KIR2DL1: variants seen among roughly 807,000 people sequenced by gnomAD.
KIR2DL1 encodes the protein killer cell immunoglobulin-like receptor 2DL1.
Under a neutral mutation model 33.9 loss-of-function variants are expected in KIR2DL1, and 38 were observed. The ratio of observed to expected loss-of-function variants is 1.12; its 90% CI spans 0.86 to 1.47. The LOEUF is 1.47. Among genes scored for constraint, KIR2DL1 ranks in the 40% most tolerant of loss-of-function variants. The pLI, the probability that KIR2DL1 is intolerant of heterozygous loss-of-function variation, is 0.00. For synonymous variants in KIR2DL1, 179 were observed against 165.9 expected, an observed-to-expected ratio of 1.08 and a Z score of -0.61; for missense variants, 531 against 433.9, an observed-to-expected ratio of 1.22 and a Z score of -1.99.
In KIR2DL1 at chr19:54,783,537, A is replaced by G; in HGVS notation, c.869A>G (p.Glu290Gly). ...ESAGNRTANS[E>G]DSDEQDPQEV... ...GCAGGAAACAGAACAGCGAATAGCGAGGTAGGTACTCCTCGGCCCGGGCTC... is the reference window on the plus strand; with the variant it reads ...GCAGGAAACAGAACAGCGAATAGCGGGGTAGGTACTCCTCGGCCCGGGCTC... Residue 290 changes from glutamate to glycine, a missense_variant and splice_region_variant, in exon 7 of 8, where the codon GAG (glutamate) becomes GGG (glycine). Transcript: ENST00000336077. 1.9e-6 allele frequency: 3 copies of G among 1,613,808 alleles called. No individual in the cohort carries two copies. Among genetic ancestry groups the G allele is most frequent in the South Asian group, 2.2e-5 (2 of 91,064 alleles).
At chr19:54,777,496 A>C (rs1367498413) in intron 4 of KIR2DL1, among the ~76,000 whole-genome samples, 1 of 149,700 alleles carries the variant, frequency 6.7e-6, no homozygotes, top group Non-Finnish European at 1.5e-5. Context: ...GGGAAATTTC[A>C]TGTCTTTTGC....
rs752229332 is a variant in KIR2DL1 at position 54,782,903 on chromosome 19, G to T, written c.716-19G>T. The T allele has an allele frequency of 6.2e-7, 1 of 1,607,268 alleles. No individual in the cohort carries two copies. Among genetic ancestry groups the T allele is most frequent in the African/African-American group, 1.3e-5 (1 of 74,748 alleles). On this transcript the variant is annotated intron_variant, in intron 5 of 7. Transcript: ENST00000336077. The stretch of plus-strand genomic sequence containing the variant: ...AACTGCTAAGATTAGCTTCTTATTG[G>T]TGTCTCATCTTCTTCCAGGTAACCC...
At chr19:54,782,253 G>A (rs1322352400) in intron 5 of KIR2DL1, among the ~76,000 whole-genome samples, 3 of 151,932 alleles carry the variant, frequency 2.0e-5, no homozygotes, top group South Asian at 2.1e-4. Flanking sequence ...AGGGTGTTCT[G>A]AGACGTTCCT....
chr19:54,773,640 T>G lies in KIR2DL1; in HGVS notation c.370+8T>G. ...TGGACATCGTGATCATAGGTGAGAG[T>G]GTCCAGACTTTCTTCTCATTGTCAT... On this transcript the variant is annotated splice_region_variant and intron_variant, in intron 3 of 7. Transcript: ENST00000336077. 1 of 1,562,446 alleles carries G rather than the reference T, an allele frequency of 6.4e-7. No homozygotes were observed. Among genetic ancestry groups the G allele is most frequent in the Non-Finnish European group, 8.8e-7 (1 of 1,140,710 alleles).
intron 5 of KIR2DL1, among the ~76,000 whole-genome samples, chr19:54,780,491 C>G (rs4020736): frequency 0.24 from 32,540 of 135,042 alleles, 213 homozygotes; most frequent in Middle Eastern, 0.29. Flanking sequence ...AACTAAGGAG[C>G]AACAAGGAGT....
rs924802089 is a variant in KIR2DL1 at position 54,780,107 on chromosome 19, T to C, written c.715+1445T>C. 20 of 523,768 alleles carry C rather than the reference T, an allele frequency of 3.8e-5. 2 individuals are homozygous for C. The African/African-American group carries it at 4.9e-4, about 13-fold the overall frequency. The allele number at this position is 523,768 out of a possible 1,614,324, so 32.4% of individuals were successfully genotyped here. ...TTTGTAGAGAGGATGTTTCACCACG[T>C]TGGCCAAGCTTGTCTGAAACTCCCA... On this transcript the variant is annotated intron_variant, in intron 5 of 7. Coordinates refer to ENST00000336077, the MANE Select transcript of KIR2DL1 (RefSeq NM_014218.3).
rs1469120418 is a variant in KIR2DL1, at chr19:54,780,167, G to A, written c.715+1505G>A. 3.1e-4 allele frequency: 156 copies of A among 510,304 alleles called. 10 individuals carry two copies. The South Asian group carries it at 3.4e-3, about 11-fold the overall frequency. 31.6% of individuals were successfully genotyped at this position (510,304 alleles called of 1,614,324 possible). ...GATCCGACCGTCTCAGCATGCCAAA[G>A]TAATGGGACTACAGGCGTGAGCCAC... On this transcript the variant is annotated intron_variant, in intron 5 of 7. Coordinates refer to ENST00000336077, the MANE Select transcript of KIR2DL1 (RefSeq NM_014218.3).
At position 54,775,690 on chromosome 19, in the gene KIR2DL1, G is replaced by A. The variant is rs1270250747; in HGVS notation, c.664+232G>A. Among the ~76,000 whole-genome samples the A allele has an allele frequency of 6.1e-5, 9 of 148,726 alleles. No homozygotes were observed. In the East Asian group the frequency reaches 1.8e-3, roughly 29 times the overall value. On this transcript the variant is annotated intron_variant, in intron 4 of 7. Transcript: ENST00000336077. ...GGCACCCAGGCAGATGGAGAAAGCG[G>A]TCAGGAGAGACCCAGAGGAGGGAGA...
chr19:54,777,486 G>A (rs1400850103), intron 4 of KIR2DL1, among the ~76,000 whole-genome samples: 5 of 149,364 alleles, frequency 3.3e-5, no homozygotes, highest in African/African-American at 9.8e-5. Flanking sequence ...TTCGTATGTG[G>A]GGAAATTTCA....
chr19:54,770,380 G>A (rs2075544459), intron 1 of KIR2DL1, among the ~76,000 whole-genome samples: 1 of 144,604 alleles, frequency 6.9e-6, no homozygotes, highest in Admixed American at 7.0e-5. Flanking sequence ...GTCGATATCT[G>A]GGCCTGGAGA....
At chr19:54,782,836 GT>G (rs2077166076) in intron 5 of KIR2DL1, 85 bp from the exon 6 acceptor site, 3 of 1,461,840 alleles carry the variant, frequency 2.1e-6, no homozygotes, top group Non-Finnish European at 2.9e-6. Flanking sequence ...GTTTTATGTG[GT>G]TACCTGTCAA....
Position 54,778,673 on chromosome 19 carries a change from A to T in KIR2DL1, c.715+11A>T. The T allele has an allele frequency of 9.2e-6, 14 of 1,527,778 alleles. 1 individual carries two copies. Among genetic ancestry groups the T allele is most frequent in the Non-Finnish European group, 1.3e-5 (14 of 1,113,816 alleles). The allele number at this position is 1,527,778 out of a possible 1,614,324, so 94.6% of individuals were successfully genotyped here. On this transcript the variant is annotated intron_variant, in intron 5 of 7. Transcript: ENST00000336077. ...CAAGCTCCAAAACCGGTGAGTACAG[A>T]ACCCTCTTATATCCGCTTTTGGAAC... is the stretch of plus-strand genomic sequence containing the variant.
chr19:54,781,922 C>A (rs983702593), intron 5 of KIR2DL1, among the ~76,000 whole-genome samples: 2 of 152,032 alleles, frequency 1.3e-5, no homozygotes, highest in South Asian at 2.1e-4. Flanking sequence ...CTCTAAACAC[C>A]TCCTGGACTG....
In KIR2DL1 at chr19:54,769,866, G is replaced by C; in HGVS notation, c.16G>C (p.Val6Leu). The C allele has an allele frequency of 6.4e-7, 1 of 1,555,070 alleles. No homozygotes were observed. Among genetic ancestry groups the C allele is most frequent in the Non-Finnish European group, 8.8e-7 (1 of 1,139,734 alleles). The change falls in exon 1 of 8, where the codon GTC becomes CTC. Residue 6 changes from valine to leucine, a missense_variant. By Grantham distance (32) the Val-to-Leu change is conservative. Transcript: ENST00000336077. The part of the protein sequence containing the change: MSLLV[V>L]SMACVGFFLL... ...CGGCAGCACCATGTCGCTCTTGGTC[G>C]TCAGCATGGCGTGTGTTGGTGAGTC...
chr19:54,781,904 A>G (rs1347104743), intron 5 of KIR2DL1, among the ~76,000 whole-genome samples: 1 of 152,144 alleles, frequency 6.6e-6, no homozygotes, highest in Admixed American at 6.5e-5. Flanking sequence ...CAGTCTTCCC[A>G]GAGAAGACTC....
At chr19:54,772,373 G>C (rs1446255142) in intron 2 of KIR2DL1, among the ~76,000 whole-genome samples, 3 of 147,352 alleles carry the variant, frequency 2.0e-5, no homozygotes, top group African/African-American at 7.5e-5. Flanking sequence ...GTCTCCAGAG[G>C]GAACGAAGCC....
chr19:54,782,153 G>T (rs900604431), intron 5 of KIR2DL1, among the ~76,000 whole-genome samples: 34 of 152,100 alleles, frequency 2.2e-4, no homozygotes, highest in African/African-American at 8.2e-4. Flanking sequence ...CCAGAAAGCA[G>T]CCCAGCCTGG....
rs771822176 is a variant in KIR2DL1, at chr19:54,783,553, G to T, written c.870+15G>T. 7 of 1,613,756 alleles carry T rather than the reference G, an allele frequency of 4.3e-6. No homozygotes were observed. In the Admixed American group the frequency reaches 1.2e-4, roughly 27 times the overall value. ...CGAATAGCGAGGTAGGTACTCCTCG[G>T]CCCGGGCTCGTGGCTACTGTTATTC... On this transcript the variant is annotated intron_variant, in intron 7 of 7. Transcript: ENST00000336077.
chr19:54,774,577 A>G (rs1241431375), intron 3 of KIR2DL1, among the ~76,000 whole-genome samples: 3 of 148,106 alleles, frequency 2.0e-5, no homozygotes, highest in Admixed American at 6.8e-5. Flanking sequence ...ATAGATGATG[A>G]TTGATTGATT....
Sources: allele counts gnomAD v4.1 joint callset (sites outside exome capture counted in the v4.1 genomes callset), GRCh38; gene constraint gnomAD v4.1.1; transcripts MANE v1.5; gene names NCBI Gene and HGNC (gene_info 2026-07-23, HGNC 2026-07-21).